PAMR1: variants seen among roughly 807,000 people sequenced by gnomAD.
PAMR1 encodes the protein peptidase domain containing associated with muscle regeneration 1.
PAMR1 carries 88 observed loss-of-function variants against 81.8 expected under a neutral mutation model. The observed-to-expected ratio is 1.08, with a 90% confidence interval of 0.91 to 1.28. The LOEUF is 1.28. Among genes scored for constraint, PAMR1 ranks in the 50% most tolerant of loss-of-function variants. The pLI is 0.00. For missense variants in PAMR1, 935 were observed against 919.7 expected, an observed-to-expected ratio of 1.02 and a Z score of -0.21; for synonymous variants, 336 against 345.3, an observed-to-expected ratio of 0.97 and a Z score of 0.30.
chr11:35,467,226 C>A (rs1010869967), intron 6 of PAMR1, among the ~76,000 whole-genome samples: 2 of 152,092 alleles, frequency 1.3e-5, no homozygotes, highest in Non-Finnish European at 2.9e-5. Context: ...CCCTACTTGG[C>A]CTCCTTCCCT....
intron 6 of PAMR1, among the ~76,000 whole-genome samples, chr11:35,443,941 C>G (rs1856237477): frequency 6.6e-6 from 1 of 152,214 alleles, no homozygotes; most frequent in Admixed American, 6.5e-5. Flanking sequence ...TTACATTTCT[C>G]TAATGATCAG....
At chr11:35,496,572 A>G (rs567590954) in intron 1 of PAMR1, among the ~76,000 whole-genome samples, 6 of 152,342 alleles carry the variant, frequency 3.9e-5, no homozygotes, top group Non-Finnish European at 8.8e-5. Flanking sequence ...GCTACCACTT[A>G]CTAGGGTGGC....
chr11:35,508,723 G>A (rs1304882305), intron 1 of PAMR1, among the ~76,000 whole-genome samples: 3 of 141,966 alleles, frequency 2.1e-5, no homozygotes, highest in Non-Finnish European at 4.7e-5. Context: ...AGTGTCCATT[G>A]TTCCCTTGTG....
intron 1 of PAMR1, among the ~76,000 whole-genome samples, chr11:35,495,990 A>G (rs1223745960): frequency 6.6e-6 from 1 of 152,260 alleles, no homozygotes; most frequent in Non-Finnish European, 1.5e-5. Flanking sequence ...GAATGGCTAC[A>G]TCATCATAGC....
intron 4 of PAMR1, among the ~76,000 whole-genome samples, 200 bp from the exon 5 acceptor site, chr11:35,471,018 T>C (rs1350363827): frequency 6.6e-6 from 1 of 152,222 alleles, no homozygotes; most frequent in East Asian, 1.9e-4. Flanking sequence ...TTTGCATGTA[T>C]GTGCACATGC....
chr11:35,445,064 T>C (rs770104489), intron 6 of PAMR1, among the ~76,000 whole-genome samples: 4 of 152,222 alleles, frequency 2.6e-5, no homozygotes, highest in Non-Finnish European at 5.9e-5. Flanking sequence ...ACTTCCCTTG[T>C]TAGCTGTATT....
intron 1 of PAMR1, among the ~76,000 whole-genome samples, chr11:35,495,307 C>T (rs963064729): frequency 7.3e-5 from 11 of 151,560 alleles, no homozygotes; most frequent in South Asian, 4.2e-4. Flanking sequence ...TTCATTCAGG[C>T]GCCAAGTGCA....
chr11:35,514,848 T>A (rs1031281404), intron 1 of PAMR1, among the ~76,000 whole-genome samples: 5 of 151,668 alleles, frequency 3.3e-5, no homozygotes, highest in Admixed American at 6.6e-5. Context: ...CTACAAAAAA[T>A]TTAAAAATTA....
At chr11:35,522,251 G>T (rs1211339469) in intron 1 of PAMR1, among the ~76,000 whole-genome samples, 2 of 152,148 alleles carry the variant, frequency 1.3e-5, no homozygotes, top group Admixed American at 1.3e-4. Flanking sequence ...TGGTTCAGTG[G>T]CATAAGTACA....
At chr11:35,432,978 G>T in intron 10 of PAMR1, 86 bp from the exon 11 acceptor site, 1 of 1,205,058 alleles carries the variant, frequency 8.3e-7, no homozygotes, top group Non-Finnish European at 1.1e-6. Context: ...TAAATTTTTG[G>T]GAGAAAATGT....
rs143710603 is a variant in PAMR1 at position 35,484,090 on chromosome 11, T to C, written c.379+7955A>G. On this transcript the variant is annotated intron_variant, in intron 3 of 10. Coordinates refer to ENST00000619888, the MANE Select transcript of PAMR1 (RefSeq NM_001001991.3). ...TTATAAGAATAGCATCCACCATTTATTGAGCACTTACTATATACCAGACTC... is the reference window on the plus strand; with the variant it reads ...TTATAAGAATAGCATCCACCATTTACTGAGCACTTACTATATACCAGACTC... 2.2e-3 allele frequency among the ~76,000 whole-genome samples: 338 copies of C among 152,316 alleles called. 1 individual carries two copies. The highest frequency in any genetic ancestry group is 4.8e-3 in the South Asian group (23 of 4,824).
chr11:35,440,583 C>T (rs1169861175), intron 7 of PAMR1, among the ~76,000 whole-genome samples: 1 of 152,170 alleles, frequency 6.6e-6, no homozygotes, highest in Non-Finnish European at 1.5e-5. Flanking sequence ...TCCCAGTAAA[C>T]AGCCAGATCA....
chr11:35,480,614 T>G (rs535580304), intron 3 of PAMR1, among the ~76,000 whole-genome samples: 8 of 152,362 alleles, frequency 5.3e-5, no homozygotes, highest in African/African-American at 1.9e-4. Flanking sequence ...GTTTCTTTTT[T>G]ATTGTATTTT....
intron 1 of PAMR1, among the ~76,000 whole-genome samples, chr11:35,496,454 AC>A (rs1850727877): frequency 6.6e-6 from 1 of 152,242 alleles, no homozygotes; most frequent in African/African-American, 2.4e-5. Context: ...TGAGCAAATG[AC>A]TTGAATAGAC....
intron 3 of PAMR1, among the ~76,000 whole-genome samples, chr11:35,480,123 C>T (rs776904277): frequency 1.1e-4 from 16 of 152,162 alleles, no homozygotes; most frequent in East Asian, 3.8e-4. Flanking sequence ...CCTCTGCCTC[C>T]GCCAAGTCAG....
At chr11:35,516,618 A>C (rs1224908406) in intron 1 of PAMR1, among the ~76,000 whole-genome samples, 1 of 152,216 alleles carries the variant, frequency 6.6e-6, no homozygotes. Context: ...CGAAGGCAGG[A>C]ATAAAGTAGG....
intron 3 of PAMR1, among the ~76,000 whole-genome samples, chr11:35,480,729 C>G (rs1327317704): frequency 6.6e-6 from 1 of 152,080 alleles, no homozygotes; most frequent in African/African-American, 2.4e-5. Flanking sequence ...GATGCATTTG[C>G]AGAACATGCA....
intron 1 of PAMR1, among the ~76,000 whole-genome samples, chr11:35,498,427 T>C (rs1269878474): frequency 1.3e-5 from 2 of 152,108 alleles, no homozygotes; most frequent in Non-Finnish European, 2.9e-5. Flanking sequence ...TTTAGGCCTG[T>C]TGAAAATACT....
chr11:35,433,231 A>C lies in PAMR1; in HGVS notation c.1627-339T>G, dbSNP rs115802375. Among the ~76,000 whole-genome samples, 963 of 152,326 alleles carry C rather than the reference A, an allele frequency of 6.3e-3. 5 individuals carry two copies. Among genetic ancestry groups the C allele is most frequent in the African/African-American group, 0.02 (849 of 41,566 alleles). ...AGTTTTGCCAGAAAATGAATTCCAA[A>C]TCTTTATCTGAAATATCTTGATGTT... is the stretch of plus-strand genomic sequence containing the variant. On this transcript the variant is annotated intron_variant, in intron 10 of 10. Transcript: ENST00000619888.
Sources: allele counts gnomAD v4.1 joint callset (sites outside exome capture counted in the v4.1 genomes callset), GRCh38; gene constraint gnomAD v4.1.1; transcripts MANE v1.5; gene names NCBI Gene and HGNC (gene_info 2026-07-23, HGNC 2026-07-21).